The following RCAN2 variants were observed in gnomAD, a reference collection of about 807,000 sequenced individuals.
RCAN2 encodes regulator of calcineurin 2.
RCAN2 carries 9 observed loss-of-function variants against 23.6 expected under a neutral mutation model. That is an observed-to-expected ratio of 0.38 (90% CI 0.23 to 0.67). The LOEUF is 0.67. Among genes scored for constraint, RCAN2 ranks in the 30% least tolerant of loss-of-function variants. The probability of loss-of-function intolerance (pLI) is 0.51; values close to 1 mark genes in which losing one functional copy is unlikely to be tolerated. For missense variants in RCAN2, 273 were observed against 302.3 expected, an observed-to-expected ratio of 0.90 and a Z score of 0.72; for synonymous variants, 109 against 115.7, an observed-to-expected ratio of 0.94 and a Z score of 0.37.
chr6:46,365,977 T>C (rs1414510407), intron 2 of RCAN2, among the ~76,000 whole-genome samples: 1 of 152,202 alleles, frequency 6.6e-6, no homozygotes, highest in East Asian at 1.9e-4. Flanking sequence ...GTACTATTAC[T>C]GTCCCCAGTT....
chr6:46,292,407 T>C (rs1393346149), intron 2 of RCAN2, among the ~76,000 whole-genome samples: 1 of 151,626 alleles, frequency 6.6e-6, no homozygotes, highest in East Asian at 1.9e-4. Context: ...TTTGCCATAT[T>C]CTTGGGAGTT....
intron 2 of RCAN2, among the ~76,000 whole-genome samples, chr6:46,410,825 T>C (rs1033677117): frequency 3.3e-5 from 5 of 152,250 alleles, no homozygotes; most frequent in Non-Finnish European, 7.3e-5. Flanking sequence ...GATGATATTA[T>C]ATTAAGCTAT....
At chr6:46,224,398 T>G (rs903855369) in intron 4 of RCAN2, among the ~76,000 whole-genome samples, 1 of 152,202 alleles carries the variant, frequency 6.6e-6, no homozygotes, top group Non-Finnish European at 1.5e-5. Flanking sequence ...CAAGATCAAG[T>G]ATAAATTTTG....
chr6:46,337,729 T>C (rs1417483476), intron 2 of RCAN2, among the ~76,000 whole-genome samples: 1 of 152,210 alleles, frequency 6.6e-6, no homozygotes, highest in Non-Finnish European at 1.5e-5. Flanking sequence ...AGTGAAGTTA[T>C]CGCAAGGTGC....
At chr6:46,239,696 G>A (rs1444985036) in intron 4 of RCAN2, among the ~76,000 whole-genome samples, 1 of 152,196 alleles carries the variant, frequency 6.6e-6, no homozygotes, top group African/African-American at 2.4e-5. Context: ...GGATGAGAGT[G>A]AGCAAGAGAG....
At chr6:46,278,451 T>G (rs1002094880) in intron 2 of RCAN2, among the ~76,000 whole-genome samples, 1 of 152,104 alleles carries the variant, frequency 6.6e-6, no homozygotes, top group African/African-American at 2.4e-5. Context: ...AAGTTTCAGA[T>G]CTATGCCCTT....
chr6:46,363,748 T>A (rs1007696636), intron 2 of RCAN2, among the ~76,000 whole-genome samples: 1 of 152,106 alleles, frequency 6.6e-6, no homozygotes, highest in Non-Finnish European at 1.5e-5. Context: ...GGTATAACTA[T>A]AAAGTATGAC....
At chr6:46,466,801 T>C (rs911586411) in intron 1 of RCAN2, among the ~76,000 whole-genome samples, 18 of 152,178 alleles carry the variant, frequency 1.2e-4, no homozygotes, top group African/African-American at 4.1e-4. Flanking sequence ...GCTCAGTCCA[T>C]AACAATAGCG....
At chr6:46,378,962 A>T (rs1167841839) in intron 2 of RCAN2, among the ~76,000 whole-genome samples, 2 of 152,206 alleles carry the variant, frequency 1.3e-5, no homozygotes, top group African/African-American at 2.4e-5. Flanking sequence ...ACATTGAATC[A>T]AATCACTTGA....
rs1766462989 is a variant in RCAN2, at chr6:46,244,978, GGGCTTCACAA to G, written c.571+1760_571+1769del. ...CAATGTCCTGAATGACTGTGGGAAA[GGGCTTCACAA>G]GGCTTCATGTGAGTAGACTTAATTT... On this transcript the variant is annotated intron_variant, in intron 4 of 4. Transcript: ENST00000371374. Among the ~76,000 whole-genome samples the G allele has an allele frequency of 2.0e-5, 3 of 152,204 alleles. No individual in the cohort carries two copies. The South Asian group carries it at 6.2e-4, about 32-fold the overall frequency.
At chr6:46,315,560 T>C (rs1474018112) in intron 2 of RCAN2, among the ~76,000 whole-genome samples, 1 of 150,268 alleles carries the variant, frequency 6.7e-6, no homozygotes, top group East Asian at 2.0e-4. Flanking sequence ...TAGAGCAGAG[T>C]GAAAGGGGGA....
intron 2 of RCAN2, among the ~76,000 whole-genome samples, chr6:46,431,567 G>A (rs890027484): frequency 2.6e-5 from 4 of 152,138 alleles, no homozygotes; most frequent in South Asian, 2.1e-4. Flanking sequence ...GCATCTGAAC[G>A]ACTCAAATAT....
chr6:46,231,210 T>A (rs1765874134), intron 4 of RCAN2, among the ~76,000 whole-genome samples: 1 of 152,120 alleles, frequency 6.6e-6, no homozygotes, highest in South Asian at 2.1e-4. Flanking sequence ...CATTGACATA[T>A]ACATAGGGAG....
At chr6:46,355,827 T>C (rs758031903) in intron 2 of RCAN2, among the ~76,000 whole-genome samples, 50 of 152,256 alleles carry the variant, frequency 3.3e-4, no homozygotes, top group Non-Finnish European at 5.4e-4. Context: ...CCTAAGAAAG[T>C]CCTCTGGTTA....
At chr6:46,306,399 G>A (rs1243356553) in intron 2 of RCAN2, among the ~76,000 whole-genome samples, 2 of 152,054 alleles carry the variant, frequency 1.3e-5, no homozygotes, top group East Asian at 3.9e-4. Context: ...GATCCCAGAG[G>A]GTGATACCAT....
intron 2 of RCAN2, among the ~76,000 whole-genome samples, chr6:46,293,361 T>C (rs1237741018): frequency 6.6e-6 from 1 of 152,214 alleles, no homozygotes; most frequent in African/African-American, 2.4e-5. Context: ...ATAAATATTT[T>C]TGGAGATTAT....
At chr6:46,267,777 A>G (rs13191480) in intron 2 of RCAN2, among the ~76,000 whole-genome samples, 1 of 152,342 alleles carries the variant, frequency 6.6e-6, no homozygotes, top group East Asian at 1.9e-4. Context: ...GGAGTCTTCT[A>G]TACTTTAAAT....
intron 2 of RCAN2, chr6:46,325,595 C>T (rs1291262512): frequency 6.2e-6 from 9 of 1,456,964 alleles, no homozygotes; most frequent in Middle Eastern, 2.3e-4. Flanking sequence ...GCTCTGGGGA[C>T]GGCTGGAGGC....
intron 2 of RCAN2, among the ~76,000 whole-genome samples, chr6:46,341,453 T>A (rs116581301): frequency 1.3e-3 from 204 of 152,330 alleles, no homozygotes; most frequent in African/African-American, 4.7e-3. Context: ...CGAATTTGTG[T>A]TGGGCCAAAT....
Sources: allele counts gnomAD v4.1 joint callset (sites outside exome capture counted in the v4.1 genomes callset), GRCh38; gene constraint gnomAD v4.1.1; transcripts MANE v1.5; gene names NCBI Gene and HGNC (gene_info 2026-07-23, HGNC 2026-07-21).